B3GALT1: variants seen among roughly 807,000 people sequenced by gnomAD.
B3GALT1 encodes beta-1,3-galactosyltransferase 1.
B3GALT1 carries 10 observed loss-of-function variants against 23.2 expected under a neutral mutation model. The observed-to-expected ratio is 0.43, with a 90% CI of 0.27 to 0.73. The LOEUF (loss-of-function observed/expected upper bound fraction) is 0.73. Ranked by LOEUF, B3GALT1 falls within the 30% of genes least tolerant of loss-of-function variation. The pLI is 0.21. For missense variants in B3GALT1, 299 were observed against 405.4 expected (o/e 0.74, Z 2.25); for synonymous variants, 156 against 141.5 (o/e 1.10, Z -0.73).
chr2:167,378,838 G>A (rs1354750809), intron 1 of B3GALT1, among the ~76,000 whole-genome samples: 1 of 152,088 alleles, frequency 6.6e-6, no homozygotes, highest in African/African-American at 2.4e-5. Context: ...ATTTTGGTTA[G>A]GGATTATTGC....
chr2:167,577,131 G>C (rs1015902875), intron 2 of B3GALT1, among the ~76,000 whole-genome samples: 3 of 151,702 alleles, frequency 2.0e-5, no homozygotes, highest in Admixed American at 6.6e-5. Flanking sequence ...GAAACTGATG[G>C]CTTTTTGGTA....
chr2:167,752,200 C>T (rs1257453864), intron 3 of B3GALT1, among the ~76,000 whole-genome samples: 1 of 151,952 alleles, frequency 6.6e-6, no homozygotes, highest in African/African-American at 2.4e-5. Context: ...AGCACAATAG[C>T]TATTATGCAC....
chr2:167,635,813 C>T (rs1377653777), intron 2 of B3GALT1, among the ~76,000 whole-genome samples: 4 of 152,000 alleles, frequency 2.6e-5, no homozygotes, highest in Non-Finnish European at 5.9e-5. Context: ...CAAGCTACCA[C>T]TGACTTTCTT....
intron 4 of B3GALT1, among the ~76,000 whole-genome samples, chr2:167,857,890 G>T (rs1350766546): frequency 6.6e-6 from 1 of 151,990 alleles, no homozygotes; most frequent in Non-Finnish European, 1.5e-5. Context: ...ATTAAATGAT[G>T]ATTCTCTTGG....
intron 1 of B3GALT1, among the ~76,000 whole-genome samples, chr2:167,376,714 A>ATT (rs1316403686): frequency 6.6e-6 from 1 of 151,816 alleles, no homozygotes; most frequent in East Asian, 1.9e-4. Context: ...GATTGTGCCT[A>ATT]TTTGGATCTT....
chr2:167,563,382 C>T (rs1452451297), intron 2 of B3GALT1, among the ~76,000 whole-genome samples: 8 of 137,972 alleles, frequency 5.8e-5, no homozygotes, highest in African/African-American at 8.2e-5. Flanking sequence ...CCCTCCCTCC[C>T]GGACGGGGCG....
At chr2:167,772,860 G>C (rs909056451) in intron 3 of B3GALT1, among the ~76,000 whole-genome samples, 2 of 152,162 alleles carry the variant, frequency 1.3e-5, no homozygotes, top group African/African-American at 2.4e-5. Flanking sequence ...TAACAGAGCT[G>C]TCCAAATGTT....
intron 1 of B3GALT1, among the ~76,000 whole-genome samples, chr2:167,330,556 G>A (rs1340159088): frequency 6.6e-6 from 1 of 152,204 alleles, no homozygotes; most frequent in Non-Finnish European, 1.5e-5. Flanking sequence ...GCCGCAGTGA[G>A]CCATGATCAC....
At chr2:167,484,763 C>G (rs1345238260) in intron 1 of B3GALT1, among the ~76,000 whole-genome samples, 1 of 152,168 alleles carries the variant, frequency 6.6e-6, no homozygotes, top group Non-Finnish European at 1.5e-5. Flanking sequence ...CAGCTAATCT[C>G]TTCAGGCTCA....
chr2:167,348,070 C>A (rs1697252420), intron 1 of B3GALT1, among the ~76,000 whole-genome samples: 1 of 152,148 alleles, frequency 6.6e-6, no homozygotes, highest in Admixed American at 6.5e-5. Flanking sequence ...AAATATTAGT[C>A]ATTTCCAAAT....
intron 2 of B3GALT1, among the ~76,000 whole-genome samples, chr2:167,601,186 A>T (rs1382330184): frequency 2.0e-5 from 3 of 151,682 alleles, no homozygotes; most frequent in Admixed American, 2.0e-4. Context: ...CAGCCTCTCG[A>T]GTAGCTGGAA....
intron 4 of B3GALT1, among the ~76,000 whole-genome samples, chr2:167,823,321 G>C (rs1207513399): frequency 1.3e-5 from 2 of 152,146 alleles, no homozygotes; most frequent in Non-Finnish European, 2.9e-5. Context: ...GTGTGCTTGA[G>C]TGTGTGTGCT....
At chr2:167,734,935 C>T (rs757844787) in intron 3 of B3GALT1, among the ~76,000 whole-genome samples, 1 of 152,112 alleles carries the variant, frequency 6.6e-6, no homozygotes, top group Admixed American at 6.6e-5. Flanking sequence ...TCTGCCCCCT[C>T]CTCATTTTAA....
At chr2:167,566,075 A>G (rs965390572) in intron 2 of B3GALT1, among the ~76,000 whole-genome samples, 48 of 152,242 alleles carry the variant, frequency 3.2e-4, no homozygotes, top group African/African-American at 1.1e-3. Context: ...GGCACTATTC[A>G]CAATAGCAAA....
At chr2:167,304,630 A>C (rs1027608194) in intron 1 of B3GALT1, among the ~76,000 whole-genome samples, 3 of 151,758 alleles carry the variant, frequency 2.0e-5, no homozygotes, top group African/African-American at 7.3e-5. Flanking sequence ...CATACAGAGA[A>C]AAAGAGAGAC....
intron 3 of B3GALT1, among the ~76,000 whole-genome samples, chr2:167,647,940 G>A (rs569177903): frequency 1.3e-5 from 2 of 152,052 alleles, no homozygotes; most frequent in African/African-American, 4.8e-5. Flanking sequence ...ACCTAATTTC[G>A]CTCTTTAAGT....
At chr2:167,590,008 G>A (rs1684646931) in intron 2 of B3GALT1, among the ~76,000 whole-genome samples, 2 of 151,948 alleles carry the variant, frequency 1.3e-5, no homozygotes, top group African/African-American at 4.8e-5. Flanking sequence ...AAAATCTTTT[G>A]TATTGTGTTG....
intron 1 of B3GALT1, among the ~76,000 whole-genome samples, chr2:167,403,026 G>C (rs1415295957): frequency 6.7e-6 from 1 of 150,264 alleles, no homozygotes; most frequent in Non-Finnish European, 1.5e-5. Flanking sequence ...CACCATGTTT[G>C]TTTATTTATT....
chr2:167,868,938 C>A lies in B3GALT1; in HGVS notation c.-102C>A. On this transcript the variant is annotated 5_prime_UTR_variant, in exon 5 of 5. Transcript: ENST00000392690. ...CTCCACCTCACGCTTCTCTATCAAA[C>A]TTGAAGATTTATTAGTAATATGCTG... 1 of 1,387,416 alleles carries A rather than the reference C, an allele frequency of 7.2e-7. No individual in the cohort carries two copies. The highest frequency in any genetic ancestry group is 9.8e-7 in the Non-Finnish European group (1 of 1,023,978). 85.9% of individuals were successfully genotyped at this position (1,387,416 alleles called of 1,614,324 possible).
Sources: gnomAD v4.1 joint callset for allele counts (sites outside exome capture counted in the v4.1 genomes callset) on GRCh38, gnomAD v4.1.1 for gene constraint, MANE v1.5 for transcripts, NCBI Gene and HGNC (gene_info 2026-07-23, HGNC 2026-07-21) for gene names.